OPA1: variants seen among roughly 807,000 people sequenced by gnomAD.
OPA1 encodes dynamin-like GTPase OPA1, mitochondrial.
A neutral mutation model predicts 152.9 loss-of-function variants in OPA1; 59 were observed. That is an observed-to-expected ratio of 0.39 (90% confidence interval 0.31 to 0.48). The LOEUF is 0.48. Ranked by LOEUF, OPA1 falls within the 20% of genes least tolerant of loss-of-function variation. The pLI is 0.96. For synonymous variants in OPA1, 400 were observed against 389.9 expected, an observed-to-expected ratio of 1.03 and a Z score of -0.31; for missense variants, 1,008 against 1,216.8, an observed-to-expected ratio of 0.83 and a Z score of 2.55.
At chr3:193,676,762 C>T (rs950283685) in intron 29 of OPA1, among the ~76,000 whole-genome samples, 13 of 152,060 alleles carry the variant, frequency 8.5e-5, no homozygotes, top group African/African-American at 1.9e-4. Context: ...GGGCGGATCA[C>T]AAGGTCAGGA....
intron 29 of OPA1, among the ~76,000 whole-genome samples, chr3:193,687,529 T>C (rs1001054448): frequency 1.3e-5 from 2 of 152,250 alleles, no homozygotes; most frequent in African/African-American, 4.8e-5. Flanking sequence ...TTATAATTAG[T>C]CATGCTGATC....
intron 29 of OPA1, chr3:193,668,799 T>A: frequency 8.5e-7 from 1 of 1,170,128 alleles, no homozygotes; most frequent in Non-Finnish European, 1.1e-6. Context: ...GGGGTTGATA[T>A]TTGGTTGTTT....
rs1440910404 is a variant in OPA1 at position 193,659,505 on chromosome 3, G to A, written c.2464G>A (p.Val822Met). ...KDTENAIENM[V>M]GPDWKKRWLY... ...AGCTGAAAATGCAATTGAAAACATG[G>A]TGGGTCCAGACTGGAAAAAGAGGTG... Residue 822 changes from valine to methionine, a missense_variant, in exon 25 of 31, where the codon GTG (valine) becomes ATG (methionine). Coordinates refer to ENST00000361510, the MANE Select transcript of OPA1 (RefSeq NM_130837.3). The A allele has an allele frequency of 1.9e-6, 3 of 1,611,470 alleles. No individual in the cohort carries two copies. The highest frequency in any genetic ancestry group is 2.2e-5 in the East Asian group (1 of 44,702).
At chr3:193,612,173 G>A (rs1322546645) in intron 1 of OPA1, among the ~76,000 whole-genome samples, 1 of 152,050 alleles carries the variant, frequency 6.6e-6, no homozygotes, top group African/African-American at 2.4e-5. Context: ...TCACAATGGG[G>A]CTAAGCTCAG....
intron 16 of OPA1, among the ~76,000 whole-genome samples, chr3:193,644,797 GTT>G (rs1734299659): frequency 6.6e-6 from 1 of 152,102 alleles, no homozygotes. Context: ...AGGATAGTGA[GTT>G]TATATTTCTT....
chr3:193,662,395 C>T (rs1042481173), intron 25 of OPA1, among the ~76,000 whole-genome samples: 7 of 152,132 alleles, frequency 4.6e-5, no homozygotes, highest in Non-Finnish European at 8.8e-5. Flanking sequence ...ACAGTAATCT[C>T]GTTCTTAAGT....
intron 29 of OPA1, among the ~76,000 whole-genome samples, chr3:193,671,836 A>C (rs1717990393): frequency 6.6e-6 from 1 of 152,230 alleles, no homozygotes; most frequent in Admixed American, 6.5e-5. Context: ...AGAGGAAATG[A>C]GACTTTTGAG....
At chr3:193,627,941 C>A (rs1032741938) in intron 7 of OPA1, among the ~76,000 whole-genome samples, 1 of 152,076 alleles carries the variant, frequency 6.6e-6, no homozygotes, top group African/African-American at 2.4e-5. Context: ...ACTGTAGTTA[C>A]CTTGAGGGGA....
intron 29 of OPA1, 81 bp from the exon 30 acceptor site, chr3:193,691,982 C>A (rs1195098164): frequency 1.6e-5 from 13 of 831,154 alleles, no homozygotes; most frequent in Non-Finnish European, 2.6e-5. Context: ...GTTAAGTATA[C>A]CAACCATTTA....
At chr3:193,622,522 G>A (rs539212211) in intron 6 of OPA1, among the ~76,000 whole-genome samples, 7 of 152,000 alleles carry the variant, frequency 4.6e-5, no homozygotes, top group Admixed American at 2.0e-4. Context: ...CCACCCAGCA[G>A]TCTGATTCTT....
At chr3:193,688,375 G>A (rs185986755) in intron 29 of OPA1, among the ~76,000 whole-genome samples, 43 of 148,636 alleles carry the variant, frequency 2.9e-4, no homozygotes, top group African/African-American at 4.4e-4. Context: ...TGGAGTGTCC[G>A]GTCATCCTTA....
chr3:193,677,488 T>C (rs971360422), intron 29 of OPA1, among the ~76,000 whole-genome samples: 5 of 152,136 alleles, frequency 3.3e-5, no homozygotes, highest in African/African-American at 9.7e-5. Context: ...AAAAGTAGAA[T>C]GTAGTAATTG....
chr3:193,599,583 A>G (rs1160265493), intron 1 of OPA1, among the ~76,000 whole-genome samples: 3 of 152,008 alleles, frequency 2.0e-5, no homozygotes, highest in African/African-American at 7.2e-5. Context: ...CTGGGGCCAC[A>G]TGTATTTCTG....
intron 6 of OPA1, chr3:193,624,451 A>G: frequency 6.6e-6 from 1 of 152,202 alleles, no homozygotes; most frequent in East Asian, 1.9e-4. Context: ...ACACTTGGAT[A>G]ATTTGAATAA....
At chr3:193,668,551 C>A in intron 29 of OPA1, 1 of 1,547,464 alleles carries the variant, frequency 6.5e-7, no homozygotes, top group Non-Finnish European at 8.7e-7. Context: ...TCCTTCCTCA[C>A]CTGAAGCCAG....
intron 10 of OPA1, 147 bp from the exon 11 acceptor site, chr3:193,637,805 A>G (rs984141169): frequency 1.1e-5 from 8 of 713,412 alleles, no homozygotes; most frequent in East Asian, 2.7e-5. Flanking sequence ...ACATGCATCA[A>G]TCACCATTTT....
chr3:193,674,966 G>A (rs1331929964), intron 29 of OPA1, among the ~76,000 whole-genome samples: 4 of 152,136 alleles, frequency 2.6e-5, no homozygotes, highest in Non-Finnish European at 4.4e-5. Flanking sequence ...CGATTACCGT[G>A]TACCCGCCTG....
chr3:193,659,493 A>C lies in OPA1; in HGVS notation c.2452A>C (p.Ile818Leu). 1 of 1,610,498 alleles carries C rather than the reference A, an allele frequency of 6.2e-7. No homozygotes were observed. The highest frequency in any genetic ancestry group is 8.5e-7 in the Non-Finnish European group (1 of 1,177,952). Residue 818 changes from isoleucine (I) to leucine (L), a missense_variant, in exon 25 of 31, where the codon ATT becomes CTT. By Grantham distance (5) the Ile-to-Leu change is conservative. Transcript: ENST00000361510. ...QARLKDTENA[I>L]ENMVGPDWKK... is the part of the protein sequence containing the mutation. ...ATTTTTTTTTCTAGCTGAAAATGCA[A>C]TTGAAAACATGGTGGGTCCAGACTG...
At chr3:193,674,039 C>G (rs940157951) in intron 29 of OPA1, among the ~76,000 whole-genome samples, 2 of 152,192 alleles carry the variant, frequency 1.3e-5, no homozygotes, top group African/African-American at 4.8e-5. Flanking sequence ...GAGTCGGGCT[C>G]GCAGCAGCGT....
Sources: gnomAD v4.1 joint callset for allele counts (sites outside exome capture counted in the v4.1 genomes callset) on GRCh38, gnomAD v4.1.1 for gene constraint, MANE v1.5 for transcripts, NCBI Gene and HGNC (gene_info 2026-07-23, HGNC 2026-07-21) for gene names.